Variants in SEMA5A observed in about 807,000 individuals in gnomAD.
SEMA5A encodes the protein semaphorin-5A.
SEMA5A carries 55 observed loss-of-function variants against 135.5 expected under a neutral mutation model. The ratio of observed to expected loss-of-function variants is 0.41; its 90% CI spans 0.33 to 0.51. The LOEUF (loss-of-function observed/expected upper bound fraction) is 0.51, where lower values mean the gene tolerates loss of function less well. Among genes scored for constraint, SEMA5A ranks in the 20% least tolerant of loss-of-function variants. SEMA5A has a pLI of 0.37. For missense variants in SEMA5A, 1,290 were observed against 1,419.9 expected (o/e 0.91, Z 1.47); for synonymous variants, 580 against 546.5 (o/e 1.06, Z -0.85).
At chr5:9,215,549 A>C (rs925830508) in intron 8 of SEMA5A, among the ~76,000 whole-genome samples, 1 of 151,550 alleles carries the variant, frequency 6.6e-6, no homozygotes, top group South Asian at 2.1e-4. Flanking sequence ...GATTGAAGCT[A>C]TCATAAGCCA....
intron 1 of SEMA5A, among the ~76,000 whole-genome samples, chr5:9,503,686 A>C (rs1336010139): frequency 1.3e-5 from 2 of 152,244 alleles, no homozygotes; most frequent in Non-Finnish European, 2.9e-5. Flanking sequence ...GCATAACAGC[A>C]CTGCTCTTAC....
intron 1 of SEMA5A, 150 bp from the exon 2 acceptor site, chr5:9,438,002 G>T (rs906502028): frequency 6.6e-6 from 1 of 152,218 alleles, no homozygotes; most frequent in Non-Finnish European, 1.5e-5. Flanking sequence ...ACGCAGGCCA[G>T]CTTGGCATCA....
At chr5:9,103,238 C>T (rs958574254) in intron 16 of SEMA5A, among the ~76,000 whole-genome samples, 7 of 152,200 alleles carry the variant, frequency 4.6e-5, no homozygotes, top group Non-Finnish European at 7.4e-5. Flanking sequence ...CAGGAAAACA[C>T]GAGACGACCT....
intron 4 of SEMA5A, among the ~76,000 whole-genome samples, chr5:9,325,286 C>T (rs993697087): frequency 6.6e-6 from 1 of 151,104 alleles, no homozygotes; most frequent in Middle Eastern, 3.2e-3. Context: ...TGACATTGCA[C>T]ATTCACGTGC....
chr5:9,325,449 C>T (rs1316582688), intron 4 of SEMA5A, among the ~76,000 whole-genome samples: 3 of 152,262 alleles, frequency 2.0e-5, no homozygotes, highest in East Asian at 1.9e-4. Context: ...CACCTGAGTG[C>T]GTTTTCTACG....
At chr5:9,434,834 T>G (rs535835153) in intron 2 of SEMA5A, among the ~76,000 whole-genome samples, 1 of 152,312 alleles carries the variant, frequency 6.6e-6, no homozygotes, top group East Asian at 1.9e-4. Flanking sequence ...AAACTTCTGC[T>G]ATATTATCAG....
intron 10 of SEMA5A, among the ~76,000 whole-genome samples, chr5:9,192,377 A>G (rs1367123551): frequency 6.6e-6 from 1 of 152,254 alleles, no homozygotes; most frequent in East Asian, 1.9e-4. Flanking sequence ...ATTAACTGGA[A>G]GTCCTTATAA....
At chr5:9,525,076 A>G (rs1166729498) in intron 1 of SEMA5A, among the ~76,000 whole-genome samples, 3 of 152,232 alleles carry the variant, frequency 2.0e-5, no homozygotes, top group Non-Finnish European at 2.9e-5. Flanking sequence ...AAAAATAGCT[A>G]TTTCATATGG....
intron 1 of SEMA5A, among the ~76,000 whole-genome samples, chr5:9,521,275 T>C (rs1033274494): frequency 1.1e-4 from 17 of 152,274 alleles, no homozygotes; most frequent in Admixed American, 2.0e-4. Flanking sequence ...CCGGGCGTGG[T>C]GGCGCACGCC....
intron 14 of SEMA5A, among the ~76,000 whole-genome samples, chr5:9,119,945 A>T (rs946176813): frequency 9.9e-5 from 15 of 151,990 alleles, no homozygotes; most frequent in East Asian, 3.9e-4. Context: ...AATTTAAAAA[A>T]TTTTTTTAAT....
chr5:9,375,270 C>G (rs1224748297), intron 3 of SEMA5A, among the ~76,000 whole-genome samples: 2 of 152,122 alleles, frequency 1.3e-5, no homozygotes, highest in African/African-American at 4.8e-5. Context: ...TATTTGGAAA[C>G]GGCACCTTTG....
At chr5:9,157,165 G>T (rs1025857364) in intron 11 of SEMA5A, among the ~76,000 whole-genome samples, 3 of 124,970 alleles carry the variant, frequency 2.4e-5, no homozygotes, top group Non-Finnish European at 3.7e-5. Flanking sequence ...TCTGCATCAG[G>T]TTTAGCACAC....
intron 11 of SEMA5A, among the ~76,000 whole-genome samples, chr5:9,154,957 C>T (rs536574824): frequency 1.3e-5 from 2 of 152,286 alleles, no homozygotes; most frequent in South Asian, 2.1e-4. Context: ...CGATTGGACC[C>T]TTCCAGTTCC....
chr5:9,337,753 T>C lies in SEMA5A; in HGVS notation c.184A>G (p.Thr62Ala), dbSNP rs769599753. ...AKNAVDFSQL[T>A]FDPGQKELVV... ...AGTTCTTTCTGTCCTGGGTCAAATG[T>C]TAACTGCGAGAAATCCACAGCATTC... Residue 62 changes from threonine to alanine, a missense_variant, in exon 4 of 23, where the codon ACA (threonine) becomes GCA (alanine). Thr to Ala is a moderately conservative substitution (Grantham distance 58, BLOSUM62 0). Transcript: ENST00000382496. 3 of 1,611,886 alleles carry C rather than the reference T, an allele frequency of 1.9e-6. No individual in the cohort carries two copies. The highest frequency in any genetic ancestry group is 1.3e-5 in the African/African-American group (1 of 74,888).
intron 18 of SEMA5A, 91 bp downstream of exon 18, chr5:9,062,796 A>C (rs1737254016): frequency 7.5e-7 from 1 of 1,329,328 alleles, no homozygotes; most frequent in Non-Finnish European, 1.1e-6. Flanking sequence ...TCAAACACGA[A>C]GCCAGGGAGC....
intron 3 of SEMA5A, among the ~76,000 whole-genome samples, chr5:9,346,609 T>C (rs1383064184): frequency 6.6e-6 from 1 of 152,192 alleles, no homozygotes; most frequent in Non-Finnish European, 1.5e-5. Flanking sequence ...GGCTCCTGCA[T>C]CTGCTCACCT....
At chr5:9,169,468 T>C (rs920529144) in intron 11 of SEMA5A, among the ~76,000 whole-genome samples, 1 of 152,220 alleles carries the variant, frequency 6.6e-6, no homozygotes, top group East Asian at 1.9e-4. Context: ...AGCCACGGCA[T>C]GTAAACGTGT....
chr5:9,502,312 G>A (rs1248193658), intron 1 of SEMA5A, among the ~76,000 whole-genome samples: 1 of 152,176 alleles, frequency 6.6e-6, no homozygotes, highest in East Asian at 1.9e-4. Flanking sequence ...CCAACTATTT[G>A]CAACATGATG....
chr5:9,052,576 G>A (rs557638652), intron 19 of SEMA5A, among the ~76,000 whole-genome samples: 1 of 152,170 alleles, frequency 6.6e-6, no homozygotes, highest in South Asian at 2.1e-4. Flanking sequence ...AAACAATTCC[G>A]CAGAGTCAAC....
Sources: allele counts gnomAD v4.1 joint callset (sites outside exome capture counted in the v4.1 genomes callset), GRCh38; gene constraint gnomAD v4.1.1; transcripts MANE v1.5; gene names NCBI Gene and HGNC (gene_info 2026-07-23, HGNC 2026-07-21).